Variants in BAZ2B observed in about 807,000 individuals in gnomAD.
BAZ2B encodes the protein bromodomain adjacent to zinc finger domain protein 2B.
A neutral mutation model predicts 246.0 loss-of-function variants in BAZ2B; 91 were observed. That is an observed-to-expected ratio of 0.37 (90% CI 0.31 to 0.44). The LOEUF is 0.44. Among genes scored for constraint, BAZ2B ranks in the 20% least tolerant of loss-of-function variants. The pLI, the probability that BAZ2B is intolerant of heterozygous loss-of-function variation, is 1.00. For synonymous variants in BAZ2B, 855 were observed against 860.0 expected (o/e 0.99, Z 0.10); for missense variants, 2,332 against 2,533.7 (o/e 0.92, Z 1.71).
At chr2:159,560,392 T>A (rs1426979048) in intron 1 of BAZ2B, among the ~76,000 whole-genome samples, 1 of 152,164 alleles carries the variant, frequency 6.6e-6, no homozygotes, top group Non-Finnish European at 1.5e-5. Context: ...AATAAAAAAA[T>A]TATTTTCAAA....
chr2:159,675,055 C>G, the BAZ2B span, among the ~76,000 whole-genome samples: 2 of 152,140 alleles, frequency 1.3e-5, no homozygotes, highest in African/African-American at 4.8e-5. Context: ...AAGGAACACA[C>G]AAATACGGAA....
chr2:159,590,784 AT>A (rs1036366087), intron 1 of BAZ2B, among the ~76,000 whole-genome samples: 1 of 152,142 alleles, frequency 6.6e-6, no homozygotes, highest in African/African-American at 2.4e-5. Flanking sequence ...ATTTTTAGCA[AT>A]CTCTAGTAGT....
intron 1 of BAZ2B, among the ~76,000 whole-genome samples, chr2:159,600,704 G>C: frequency 6.6e-6 from 1 of 152,130 alleles, no homozygotes; most frequent in East Asian, 1.9e-4. Flanking sequence ...TAGTAAGTAA[G>C]AGAATATTCA....
chr2:159,613,352 G>T lies in BAZ2B; in HGVS notation c.-46+2890C>A, dbSNP rs907312677. ...AGAACAGTGAAGCTACTATTATCTG[G>T]ATTTTAAAATATGTACCCATTCCTG... On this transcript the variant is annotated intron_variant, in intron 1 of 36. Coordinates refer to ENST00000392783, the MANE Select transcript of BAZ2B (RefSeq NM_013450.4). Among the ~76,000 whole-genome samples, 9 of 151,044 alleles carry T rather than the reference G, an allele frequency of 6.0e-5. No homozygotes were observed. In the East Asian group the frequency reaches 1.8e-3, roughly 30 times the overall value.
At chr2:159,498,700 T>G (rs964704857) in intron 2 of BAZ2B, among the ~76,000 whole-genome samples, 1 of 152,182 alleles carries the variant, frequency 6.6e-6, no homozygotes. Context: ...AAGTTATTAT[T>G]ATAATTCCCC....
intron 2 of BAZ2B, among the ~76,000 whole-genome samples, chr2:159,512,689 G>A (rs553803978): frequency 6.6e-6 from 1 of 152,268 alleles, no homozygotes; most frequent in African/African-American, 2.4e-5. Flanking sequence ...CAAACAAAAA[G>A]ATGATGATAA....
Position 159,415,316 on chromosome 2 carries a change from G to A in BAZ2B, c.2467-2771C>T, listed in dbSNP as rs1204719876. On this transcript the variant is annotated intron_variant, in intron 13 of 36. Transcript: ENST00000392783. ...AAAAATTAGCCGGGCGTGGTGGTGT[G>A]CACCTGTAGTCCCAGCTACTTGGGA... 5.3e-5 allele frequency among the ~76,000 whole-genome samples: 8 copies of A among 151,846 alleles called. No individual in the cohort carries two copies. In the East Asian group the frequency reaches 7.8e-4, roughly 15 times the overall value.
the BAZ2B span, among the ~76,000 whole-genome samples, chr2:159,668,949 G>C: frequency 6.6e-6 from 1 of 151,956 alleles, no homozygotes; most frequent in African/African-American, 2.4e-5. Context: ...CAGGCTACTC[G>C]GGAGGCTGAG....
intron 16 of BAZ2B, among the ~76,000 whole-genome samples, chr2:159,400,992 C>G (rs1209735291): frequency 6.6e-6 from 1 of 151,802 alleles, no homozygotes; most frequent in Non-Finnish European, 1.5e-5. Context: ...TGCAGTCAGC[C>G]AAGATGTGCC....
Position 159,433,358 on chromosome 2 carries a change from T to C in BAZ2B, c.1299A>G (p.Gln433=), listed in dbSNP as rs1342880917. 1.3e-6 allele frequency: 2 copies of C among 1,597,414 alleles called. No individual in the cohort carries two copies. Among genetic ancestry groups the C allele is most frequent in the Admixed American group, 1.8e-5 (1 of 56,836 alleles). Residue 433 remains glutamine, a synonymous_variant, in exon 9 of 37, where the codon CAA becomes CAG. Transcript: ENST00000392783. ...LTSELRSKRE[Q]YKQAFPSQLK... ...ACTGTGATGGGAATGCCTGTTTATA[T>C]TGTTCCTGTTGAAACATAAGTTAAA...
the BAZ2B span, among the ~76,000 whole-genome samples, chr2:159,700,840 T>A: frequency 6.6e-6 from 1 of 152,128 alleles, no homozygotes; most frequent in Non-Finnish European, 1.5e-5. Flanking sequence ...ATGAATTCTA[T>A]CTAACTTAAG....
intron 2 of BAZ2B, among the ~76,000 whole-genome samples, chr2:159,503,026 G>A (rs2081999886): frequency 6.6e-6 from 1 of 151,984 alleles, no homozygotes; most frequent in Non-Finnish European, 1.5e-5. Flanking sequence ...GTTCTTATTG[G>A]AAATAATGCA....
chr2:159,415,353 A>G (rs566316509), intron 13 of BAZ2B, among the ~76,000 whole-genome samples: 8 of 150,770 alleles, frequency 5.3e-5, no homozygotes, highest in Admixed American at 2.0e-4. Flanking sequence ...GCTGAGGCAG[A>G]AGAATTGCTT....
At chr2:159,590,856 G>A (rs997445157) in intron 1 of BAZ2B, among the ~76,000 whole-genome samples, 1 of 152,144 alleles carries the variant, frequency 6.6e-6, no homozygotes, top group Non-Finnish European at 1.5e-5. Context: ...AAAATAAGAA[G>A]TGTAAAACAG....
At chr2:159,386,791 G>A (rs187457307) in intron 21 of BAZ2B, among the ~76,000 whole-genome samples, 184 bp from the exon 22 acceptor site, 49 of 152,146 alleles carry the variant, frequency 3.2e-4, no homozygotes, top group Non-Finnish European at 6.9e-4. Context: ...ACTAAGCATA[G>A]TGTCTTGAAG....
At chr2:159,384,789 C>T (rs1432096269) in intron 23 of BAZ2B, among the ~76,000 whole-genome samples, 1 of 151,964 alleles carries the variant, frequency 6.6e-6, no homozygotes, top group African/African-American at 2.4e-5. Flanking sequence ...GTCATCTGTC[C>T]TTAAAAGACG....
the BAZ2B span, among the ~76,000 whole-genome samples, chr2:159,622,462 T>C: frequency 1.3e-5 from 2 of 151,924 alleles, no homozygotes; most frequent in Non-Finnish European, 2.9e-5. Flanking sequence ...TAAAGAAAAC[T>C]TTCCCAGCAA....
chr2:159,362,637 TG>T (rs1559113295), intron 27 of BAZ2B, among the ~76,000 whole-genome samples: 1 of 152,184 alleles, frequency 6.6e-6, no homozygotes, highest in Non-Finnish European at 1.5e-5. Context: ...CCCGATGTCA[TG>T]GCTTTCTGAA....
the BAZ2B span, among the ~76,000 whole-genome samples, chr2:159,709,078 T>C: frequency 6.6e-6 from 1 of 151,828 alleles, no homozygotes. Context: ...CTTAGAACAA[T>C]GGACCTTTAA....
Sources: allele counts gnomAD v4.1 joint callset (sites outside exome capture counted in the v4.1 genomes callset), GRCh38; gene constraint gnomAD v4.1.1; transcripts MANE v1.5; gene names NCBI Gene and HGNC (gene_info 2026-07-23, HGNC 2026-07-21).